The following SLC44A2 variants were observed in gnomAD, a reference collection of about 807,000 sequenced individuals.
The protein encoded by SLC44A2 is choline transporter-like protein 2.
Under a neutral mutation model 90.8 loss-of-function variants are expected in SLC44A2, and 57 were observed. The ratio of observed to expected loss-of-function variants is 0.63; its 90% CI spans 0.51 to 0.78. The LOEUF (loss-of-function observed/expected upper bound fraction) is 0.78, where lower values mean the gene tolerates loss of function less well. Ranked by LOEUF, SLC44A2 falls within the 30% of genes least tolerant of loss-of-function variation. The probability of loss-of-function intolerance (pLI) is 0.00; values close to 1 mark genes in which losing one functional copy is unlikely to be tolerated. For missense variants in SLC44A2, 794 were observed against 919.7 expected, an observed-to-expected ratio of 0.86 and a Z score of 1.77; for synonymous variants, 355 against 360.7, an observed-to-expected ratio of 0.98 and a Z score of 0.18.
At chr19:10,612,092 G>C (rs1411848909) in intron 1 of SLC44A2, among the ~76,000 whole-genome samples, 1 of 152,108 alleles carries the variant, frequency 6.6e-6, no homozygotes, top group African/African-American at 2.4e-5. Context: ...GCTGAGCCGG[G>C]TGTGGTGGCT....
In SLC44A2 at chr19:10,632,099, C is replaced by G. The variant is rs779481509; in HGVS notation, c.766C>G (p.Leu256Val). Residue 256 changes from leucine to valine, a missense_variant, in exon 10 of 22, where the codon CTG becomes GTG. Leu to Val is a conservative substitution (Grantham distance 32). Coordinates refer to ENST00000335757, the MANE Select transcript of SLC44A2 (RefSeq NM_020428.4). ...SLLFIILLRFLAGIMVWVMII... is the reference protein window; with the variant it reads ...SLLFIILLRFVAGIMVWVMII... The stretch of plus-strand genomic sequence containing the variant: ...CCTGTTCATCATCCTGCTTCGCTTC[C>G]TGGCTGGTATTATGGTCTGGGTGAT... 1.2e-6 allele frequency: 2 copies of G among 1,614,034 alleles called. No homozygotes were observed. The highest frequency in any genetic ancestry group is 2.7e-5 in the African/African-American group (2 of 74,936).
At chr19:10,616,827 G>GT (rs2066858957) in intron 1 of SLC44A2, among the ~76,000 whole-genome samples, 1 of 152,036 alleles carries the variant, frequency 6.6e-6, no homozygotes, top group Admixed American at 6.6e-5. Context: ...ACTGCCGCCT[G>GT]TAACTCCTGG....
chr19:10,621,678 G>T (rs929979193), upstream of SLC44A2, among the ~76,000 whole-genome samples: 1 of 152,036 alleles, frequency 6.6e-6, no homozygotes, highest in Non-Finnish European at 1.5e-5. Flanking sequence ...GAGTGCAATG[G>T]CATGATCTCA....
chr19:10,632,277 C>T (rs1206079825), intron 10 of SLC44A2, 121 bp downstream of exon 10: 1 of 813,184 alleles, frequency 1.2e-6, no homozygotes, highest in South Asian at 1.6e-5. Context: ...TGGCTCACGC[C>T]TGTAATCCCA....
In SLC44A2 at chr19:10,631,714, C is replaced by A. The variant is rs1186967351; in HGVS notation, c.591C>A (p.Ser197=). The change falls in exon 8 of 22, where the codon TCC becomes TCA. Residue 197 remains serine (S), a synonymous_variant. Coordinates refer to ENST00000335757, the MANE Select transcript of SLC44A2 (RefSeq NM_020428.4). ...NETTYEDGHG[S]RKNITDLVEG... ...CGACCTATGAGGATGGGCATGGCTC[C>A]CGGAAAAACATCACAGACCTGGTGG... 1 of 1,613,094 alleles carries A rather than the reference C, an allele frequency of 6.2e-7. No homozygotes were observed. Among genetic ancestry groups the A allele is most frequent in the Non-Finnish European group, 8.5e-7 (1 of 1,180,040 alleles).
intron 17 of SLC44A2, 34 bp from the exon 18 acceptor site, chr19:10,637,822 G>A (rs2067075184): frequency 1.9e-6 from 3 of 1,613,982 alleles, no homozygotes; most frequent in South Asian, 1.1e-5. Context: ...TGCCCACCCA[G>A]TGGGTCTGAT....
At chr19:10,609,558 C>A (rs1269829925) in intron 1 of SLC44A2, among the ~76,000 whole-genome samples, 1 of 151,960 alleles carries the variant, frequency 6.6e-6, no homozygotes, top group Non-Finnish European at 1.5e-5. Context: ...CCTCAGTCTC[C>A]CAAAATACTG....
chr19:10,634,926 C>T, intron 11 of SLC44A2, 39 bp downstream of exon 11: 1 of 1,614,178 alleles, frequency 6.2e-7, no homozygotes, highest in South Asian at 1.1e-5. Context: ...CACATGAGGC[C>T]TTGGAGGGAG....
chr19:10,632,320 C>T (rs9797854), intron 10 of SLC44A2, among the ~76,000 whole-genome samples, 164 bp downstream of exon 10: 122,925 of 151,740 alleles, frequency 0.81, 49,973 homozygotes, highest in African/African-American at 0.87. Context: ...GCAGATCACC[C>T]GAGGTCAGGA....
At chr19:10,620,250 G>A (rs2066886627) in intron 1 of SLC44A2, among the ~76,000 whole-genome samples, 1 of 152,150 alleles carries the variant, frequency 6.6e-6, no homozygotes, top group Admixed American at 6.6e-5. Context: ...GGAGGCTGAG[G>A]TGGGCGGATC....
At chr19:10,604,146 A>C (rs1296328423) in intron 1 of SLC44A2, among the ~76,000 whole-genome samples, 1 of 152,194 alleles carries the variant, frequency 6.6e-6, no homozygotes, top group African/African-American at 2.4e-5. Context: ...CCTTGACCGC[A>C]GGGAGTAGTC....
At chr19:10,641,229 C>CA in intron 20 of SLC44A2, 2 of 350,194 alleles carry the variant, frequency 5.7e-6, no homozygotes, top group South Asian at 4.3e-5. Context: ...CCCATCTCCA[C>CA]AAAAAAATAC....
At chr19:10,634,428 A>G (rs1308401910) in intron 10 of SLC44A2, among the ~76,000 whole-genome samples, 1 of 151,020 alleles carries the variant, frequency 6.6e-6, no homozygotes, top group African/African-American at 2.4e-5. Flanking sequence ...TGTGCCATTG[A>G]ACTCCAGCCT....
At chr19:10,625,542 G>T, upstream of SLC44A2, 1 of 1,230,104 alleles carries the variant, frequency 8.1e-7, no homozygotes. Context: ...GCCGCCGCCA[G>T]TCGCGCGGTC....
In SLC44A2 at chr19:10,632,139, T is replaced by C; in HGVS notation, c.806T>C (p.Ile269Thr). The C allele has an allele frequency of 6.2e-7, 1 of 1,613,974 alleles. No homozygotes were observed. The highest frequency in any genetic ancestry group is 1.1e-5 in the South Asian group (1 of 91,076). ...GTCTGGGTGATGATCATCATGGTGA[T>C]TCTGGTGCTGGGCTACGGTGCGTCA... ...IMVWVMIIMVILVLGYGIFHC... is the reference protein window; with the variant it reads ...IMVWVMIIMVTLVLGYGIFHC... The change falls in exon 10 of 22, where the codon ATT becomes ACT. Residue 269 changes from isoleucine (I) to threonine (T), a missense_variant. This residue lies in a region of SLC44A2 where 738 missense variants were observed against 841.1 expected (regional missense o/e 0.88). Coordinates refer to ENST00000335757, the MANE Select transcript of SLC44A2 (RefSeq NM_020428.4).
upstream of SLC44A2, among the ~76,000 whole-genome samples, chr19:10,623,340 G>C (rs940317677): frequency 2.6e-5 from 4 of 152,022 alleles, no homozygotes; most frequent in Non-Finnish European, 4.4e-5. Context: ...TTAGTGACCA[G>C]AGCCCTGCCT....
intron 20 of SLC44A2, among the ~76,000 whole-genome samples, chr19:10,640,389 C>A (rs2067103015): frequency 1.3e-5 from 2 of 152,154 alleles, no homozygotes; most frequent in Admixed American, 1.3e-4. Context: ...CTGTGCCTGG[C>A]CATTTCATTG....
Position 10,631,148 on chromosome 19 carries a change from T to C in SLC44A2, c.330+7T>C. The C allele has an allele frequency of 1.2e-6, 2 of 1,613,074 alleles. No homozygotes were observed. The highest frequency in any genetic ancestry group is 1.7e-6 in the Non-Finnish European group (2 of 1,179,182). ...CCAATGTCCCACTCCCCAGGTAACC[T>C]GGTCCCCACCGTTCCCTTTTTCCTC... On this transcript the variant is annotated splice_region_variant and intron_variant, in intron 5 of 21. Transcript: ENST00000335757.
chr19:10,635,719 C>A, intron 14 of SLC44A2: 5 of 494,204 alleles, frequency 1.0e-5, no homozygotes, highest in East Asian at 3.7e-5. Context: ...TTCCTCTCTT[C>A]AACTTGACCA....
Sources: allele counts gnomAD v4.1 joint callset (sites outside exome capture counted in the v4.1 genomes callset), GRCh38; gene constraint gnomAD v4.1.1; regional missense constraint gnomAD v4.1.1; transcripts MANE v1.5; gene names NCBI Gene and HGNC (gene_info 2026-07-23, HGNC 2026-07-21).